FOXN3: variants seen among roughly 807,000 people sequenced by gnomAD.
FOXN3 encodes forkhead box N3.
In FOXN3, 7 loss-of-function variants were observed where a neutral mutation model predicts 38.4. The observed-to-expected ratio is 0.18, with a 90% CI of 0.10 to 0.34. FOXN3 has a LOEUF of 0.34. Ranked by LOEUF, FOXN3 falls within the 10% of genes least tolerant of loss-of-function variation. The pLI is 1.00. For missense variants in FOXN3, 456 were observed against 613.4 expected, an observed-to-expected ratio of 0.74 and a Z score of 2.71; for synonymous variants, 230 against 242.2, an observed-to-expected ratio of 0.95 and a Z score of 0.47.
At position 89,400,619 on chromosome 14, in the gene FOXN3, T is replaced by C. The variant is rs532452755; in HGVS notation, c.543+11315A>G. Among the ~76,000 whole-genome samples, 28 of 152,076 alleles carry C rather than the reference T, an allele frequency of 1.8e-4. No individual in the cohort carries two copies. The South Asian group carries it at 3.1e-3, about 17-fold the overall frequency. On this transcript the variant is annotated intron_variant, in intron 2 of 5. Transcript: ENST00000557258. The stretch of plus-strand genomic sequence containing the variant: ...ACCACTGGAACAAGCCCCAGAGAGG[T>C]AGATCCCCTTCCTGTCCTTTAGACA...
intron 1 of FOXN3, among the ~76,000 whole-genome samples, chr14:89,613,445 T>A (rs1193343355): frequency 3.9e-5 from 6 of 152,194 alleles, no homozygotes; most frequent in Non-Finnish European, 5.9e-5. Flanking sequence ...CTCATTCTTC[T>A]TTGAAATGCA....
chr14:89,291,361 C>A, intron 3 of FOXN3: 1 of 583,964 alleles, frequency 1.7e-6, no homozygotes. Context: ...AGCCCTGTAA[C>A]ACCCTTTCTG....
At chr14:89,487,847 G>T (rs923683544) in intron 1 of FOXN3, among the ~76,000 whole-genome samples, 1 of 152,114 alleles carries the variant, frequency 6.6e-6, no homozygotes, top group Non-Finnish European at 1.5e-5. Context: ...GGTGAGGAGT[G>T]GGGGGTGCCA....
At chr14:89,304,041 G>A (rs1475210763) in intron 3 of FOXN3, among the ~76,000 whole-genome samples, 1 of 152,182 alleles carries the variant, frequency 6.6e-6, no homozygotes, top group African/African-American at 2.4e-5. Flanking sequence ...GAAGGCAGCC[G>A]TTTCCAGCTT....
At chr14:89,585,446 T>C (rs962500956) in intron 1 of FOXN3, among the ~76,000 whole-genome samples, 3 of 152,240 alleles carry the variant, frequency 2.0e-5, no homozygotes, top group East Asian at 3.8e-4. Flanking sequence ...CTTTATCATA[T>C]GTATGCTAGA....
intron 1 of FOXN3, among the ~76,000 whole-genome samples, chr14:89,425,304 C>T (rs1234157953): frequency 1.3e-5 from 2 of 151,794 alleles, no homozygotes; most frequent in East Asian, 1.9e-4. Context: ...CTCCTGACCT[C>T]GTGATCCACC....
At position 89,548,770 on chromosome 14, in the gene FOXN3, A is replaced by G. The variant is rs1894937922; in HGVS notation, c.-15+70258T>C. ...GTTTTCAAATACCTGCTCACAGCCA[A>G]TACTGGTCAGTGACAAAGTTTTCAA... is the stretch of plus-strand genomic sequence containing the variant. On this transcript the variant is annotated intron_variant, in intron 1 of 6. Coordinates refer to the FOXN3 transcript ENST00000345097. This position sits in a 1 kb window ranked among gnomAD's most constrained non-coding sequence, Gnocchi z 4.8. 6.6e-6 allele frequency among the ~76,000 whole-genome samples: 1 copy of G among 152,220 alleles called. No individual in the cohort carries two copies.
intron 3 of FOXN3, among the ~76,000 whole-genome samples, chr14:89,292,239 T>A (rs1232222716): frequency 2.0e-5 from 3 of 152,168 alleles, no homozygotes; most frequent in Non-Finnish European, 4.4e-5. Context: ...TACCTCCCCC[T>A]TCCCAGGACT....
At chr14:89,299,969 G>T (rs927168901) in intron 3 of FOXN3, among the ~76,000 whole-genome samples, 1 of 152,154 alleles carries the variant, frequency 6.6e-6, no homozygotes, top group Non-Finnish European at 1.5e-5. Context: ...AAGAAGGCTG[G>T]CCACACTTGC....
At chr14:89,433,597 G>A (rs1892210861) in intron 1 of FOXN3, among the ~76,000 whole-genome samples, 1 of 152,094 alleles carries the variant, frequency 6.6e-6, no homozygotes, top group South Asian at 2.1e-4. Flanking sequence ...GAGGTCAGGA[G>A]TTCGTGACCA....
At chr14:89,415,927 T>C (rs1037037706) in intron 1 of FOXN3, among the ~76,000 whole-genome samples, 3 of 151,974 alleles carry the variant, frequency 2.0e-5, no homozygotes, top group East Asian at 1.9e-4. Flanking sequence ...TGTTACCCTC[T>C]TTATTTTTTA....
chr14:89,355,920 GA>G (rs1889202559), intron 2 of FOXN3, among the ~76,000 whole-genome samples: 2 of 152,062 alleles, frequency 1.3e-5, no homozygotes, highest in Admixed American at 6.5e-5. Flanking sequence ...AAAGAACGGG[GA>G]TAAGGAGGCA....
intron 3 of FOXN3, among the ~76,000 whole-genome samples, chr14:89,293,757 G>A (rs908602738): frequency 5.3e-5 from 8 of 152,062 alleles, no homozygotes; most frequent in Non-Finnish European, 1.2e-4. Context: ...GGCGGTTGGG[G>A]GTAGGGGGAG....
chr14:89,427,724 C>T (rs1435138770), intron 1 of FOXN3, among the ~76,000 whole-genome samples: 2 of 151,950 alleles, frequency 1.3e-5, no homozygotes, highest in Non-Finnish European at 2.9e-5. Context: ...AAAAATAAAT[C>T]AACTAGATAC....
At chr14:89,418,159 T>G (rs1480162907), upstream of FOXN3, among the ~76,000 whole-genome samples, 1 of 152,068 alleles carries the variant, frequency 6.6e-6, no homozygotes, top group Non-Finnish European at 1.5e-5. Flanking sequence ...AATAAAAATG[T>G]GATTGCACAT....
chr14:89,370,349 A>G (rs1005444097), intron 2 of FOXN3, among the ~76,000 whole-genome samples: 2 of 152,150 alleles, frequency 1.3e-5, no homozygotes, highest in African/African-American at 4.8e-5. Context: ...AACCAGCAAG[A>G]GGCAGCAAGA....
At chr14:89,327,358 G>T (rs1888113422) in intron 3 of FOXN3, among the ~76,000 whole-genome samples, 3 of 152,288 alleles carry the variant, frequency 2.0e-5, no homozygotes, top group Middle Eastern at 6.8e-3. Flanking sequence ...TGCCATCTTT[G>T]GGGTTACCAG....
rs1209569094 is a variant in FOXN3, at chr14:89,422,724, T to C, written c.-14-10234A>G. Among the ~76,000 whole-genome samples the C allele has an allele frequency of 5.9e-5, 9 of 152,218 alleles. No homozygotes were observed. The East Asian group carries it at 1.7e-3, about 29-fold the overall frequency. On this transcript the variant is annotated intron_variant, in intron 1 of 6. Coordinates refer to the FOXN3 transcript ENST00000345097. ...GTCACCGTCTCTTGGGATTTTCCTT[T>C]TGTGCCTTCTTGCTGTTTACTTGAC...
chr14:89,531,541 C>T (rs1267526412), intron 1 of FOXN3, among the ~76,000 whole-genome samples: 5 of 152,192 alleles, frequency 3.3e-5, no homozygotes, highest in East Asian at 3.8e-4. Context: ...TCTCTTGCTT[C>T]GACACTTGTG....
Sources: allele counts gnomAD v4.1 joint callset (sites outside exome capture counted in the v4.1 genomes callset), GRCh38; gene constraint gnomAD v4.1.1; non-coding constraint Gnocchi (gnomAD v3.1); transcripts MANE v1.5; gene names NCBI Gene and HGNC (gene_info 2026-07-23, HGNC 2026-07-21).